Variants in QSER1 observed in about 807,000 individuals in gnomAD.
The protein encoded by QSER1 is glutamine and serine rich 1.
A neutral mutation model predicts 158.5 loss-of-function variants in QSER1; 49 were observed. The ratio of observed to expected loss-of-function variants is 0.31; its 90% confidence interval spans 0.25 to 0.39. The LOEUF is 0.39. Among genes scored for constraint, QSER1 ranks in the 10% least tolerant of loss-of-function variants. The probability of loss-of-function intolerance (pLI) is 1.00; values close to 1 mark genes in which losing one functional copy is unlikely to be tolerated. For missense variants in QSER1, 1,754 were observed against 2,010.3 expected (o/e 0.87, Z 2.44); for synonymous variants, 650 against 715.5 (o/e 0.91, Z 1.46).
intron 9 of QSER1, among the ~76,000 whole-genome samples, chr11:32,966,892 G>A (rs185306756): frequency 6.6e-6 from 1 of 152,272 alleles, no homozygotes; most frequent in Admixed American, 6.5e-5. Context: ...ACCAGTAAAT[G>A]CACTGGGTTA....
At chr11:32,941,233 A>T (rs1013638376) in intron 4 of QSER1, among the ~76,000 whole-genome samples, 37 of 149,528 alleles carry the variant, frequency 2.5e-4, no homozygotes, top group African/African-American at 7.8e-4. Flanking sequence ...TATTATTATT[A>T]TTATTTTTAA....
intron 1 of QSER1, among the ~76,000 whole-genome samples, chr11:32,907,699 T>C (rs1851712156): frequency 6.6e-6 from 1 of 152,210 alleles, no homozygotes; most frequent in African/African-American, 2.4e-5. Context: ...CCAGGGCCCA[T>C]ATAACCACTT....
At chr11:32,942,857 A>G (rs985376726) in intron 4 of QSER1, among the ~76,000 whole-genome samples, 16 of 152,176 alleles carry the variant, frequency 1.1e-4, no homozygotes, top group Admixed American at 1.3e-4. Context: ...GATTCTTCCT[A>G]CCCATGAGCA....
intron 4 of QSER1, among the ~76,000 whole-genome samples, chr11:32,939,094 A>G (rs1044800092): frequency 6.6e-6 from 1 of 152,240 alleles, no homozygotes; most frequent in African/African-American, 2.4e-5. Context: ...CTGAATCTGT[A>G]TCAAGTAATT....
At chr11:32,899,284 T>C (rs760000413) in intron 1 of QSER1, among the ~76,000 whole-genome samples, 4 of 152,172 alleles carry the variant, frequency 2.6e-5, no homozygotes, top group African/African-American at 9.7e-5. Flanking sequence ...TGGAAGCCCC[T>C]TTCTTCCTGT....
intron 8 of QSER1, 88 bp from the exon 9 acceptor site, chr11:32,966,212 A>G (rs1050589698): frequency 2.0e-5 from 28 of 1,395,068 alleles, no homozygotes; most frequent in East Asian, 6.9e-5. Context: ...TGTATCTGCA[A>G]TCTGCTTCTA....
rs760631758 is a variant in QSER1 at position 32,933,443 on chromosome 11, T to G, written c.2185T>G (p.Ser729Ala). Reference protein sequence around the residue: ...INAQESTYKVSKADDRYSQSV... With the variant: ...INAQESTYKVAKADDRYSQSV... Reference sequence around the variant, plus strand: ...TGCTCAAGAATCAACTTATAAGGTGTCAAAGGCAGATGACAGATATTCTCA... The same window carrying G: ...TGCTCAAGAATCAACTTATAAGGTGGCAAAGGCAGATGACAGATATTCTCA... Residue 729 changes from serine (S) to alanine (A), a missense_variant, in exon 4 of 13, where the codon TCA becomes GCA. By Grantham distance (99) the Ser-to-Ala change is moderately conservative (BLOSUM62 1). Transcript: ENST00000650167. The G allele has an allele frequency of 4.3e-6, 7 of 1,613,364 alleles. No homozygotes were observed. In the East Asian group the frequency reaches 1.6e-4, roughly 36 times the overall value.
At chr11:32,953,583 T>G (rs1366388135) in intron 4 of QSER1, among the ~76,000 whole-genome samples, 1 of 152,156 alleles carries the variant, frequency 6.6e-6, no homozygotes, top group Non-Finnish European at 1.5e-5. Context: ...GCCTCTTCTT[T>G]TAAAAATAAT....
intron 1 of QSER1, among the ~76,000 whole-genome samples, chr11:32,905,673 G>A (rs900909539): frequency 5.9e-5 from 9 of 152,072 alleles, no homozygotes; most frequent in African/African-American, 2.2e-4. Context: ...ACATGGTAAT[G>A]ATTAGAATTG....
chr11:32,968,974 T>G, intron 9 of QSER1, 72 bp from the exon 10 acceptor site: 5 of 793,696 alleles, frequency 6.3e-6, no homozygotes, highest in Non-Finnish European at 8.0e-6. Flanking sequence ...ATAAATGTTT[T>G]GAGAAAAAGT....
At chr11:32,950,953 T>C (rs1283308765) in intron 4 of QSER1, among the ~76,000 whole-genome samples, 3 of 152,234 alleles carry the variant, frequency 2.0e-5, no homozygotes, top group African/African-American at 7.2e-5. Context: ...TCTGTAAACA[T>C]TCATTTACAG....
rs550497607 is a variant in QSER1, at chr11:32,909,333, T to C, written c.209+15999T>C. ...GGGTTCAAGGAAGGGAAGTATCTTT[T>C]ATCATCAACAGCTTTATCGATTTGA... is the stretch of plus-strand genomic sequence containing the variant. On this transcript the variant is annotated intron_variant, in intron 1 of 12. Coordinates refer to ENST00000650167, the MANE Select transcript of QSER1 (RefSeq NM_001076786.3). Among the ~76,000 whole-genome samples, 21 of 152,358 alleles carry C rather than the reference T, an allele frequency of 1.4e-4. No individual in the cohort carries two copies. In the East Asian group the frequency reaches 4.0e-3, roughly 29 times the overall value.
intron 12 of QSER1, chr11:32,975,688 G>A: frequency 8.8e-7 from 1 of 1,131,916 alleles, no homozygotes; most frequent in Non-Finnish European, 1.1e-6. Context: ...TCACTGCTTT[G>A]ACATCTCACT....
intron 1 of QSER1, among the ~76,000 whole-genome samples, chr11:32,923,098 G>A (rs1288074696): frequency 1.3e-5 from 2 of 152,096 alleles, no homozygotes; most frequent in Admixed American, 1.3e-4. Context: ...ACCATGCAAT[G>A]GAATACTGCT....
rs1363677323 is a variant in QSER1, at chr11:32,932,180, G to T, written c.922G>T (p.Glu308Ter). The change falls in exon 4 of 13, where the codon GAA (glutamate) becomes TAA (stop). Residue 308 changes from glutamate to a stop codon, truncating the protein, a stop_gained. Transcript: ENST00000650167. LOFTEE classifies it high-confidence loss of function. ...TLFTSSTASI[E>*]RALLRECSVI... ...CTTTACTAGTTCTACTGCTTCCATT[G>T]AAAGAGCTCTTCTTCGAGAATGTAG... 6.2e-7 allele frequency: 1 copy of T among 1,614,026 alleles called. No individual in the cohort carries two copies. The highest frequency in any genetic ancestry group is 8.5e-7 in the Non-Finnish European group (1 of 1,180,024).
chr11:32,971,791 C>T (rs532754411), intron 10 of QSER1, among the ~76,000 whole-genome samples: 1 of 152,086 alleles, frequency 6.6e-6, no homozygotes, highest in South Asian at 2.1e-4. Context: ...GGGACTGGCG[C>T]GGTGGCTCAC....
At chr11:32,955,018 A>G (rs1283829850) in intron 5 of QSER1, among the ~76,000 whole-genome samples, 2 of 152,254 alleles carry the variant, frequency 1.3e-5, no homozygotes, top group Non-Finnish European at 2.9e-5. Context: ...TATGTAACAT[A>G]GGACAGTGTC....
chr11:32,895,414 T>C (rs1352068727), intron 1 of QSER1, among the ~76,000 whole-genome samples: 1 of 152,174 alleles, frequency 6.6e-6, no homozygotes. Context: ...GAATTATACC[T>C]CATTTTATTC....
At position 32,976,449 on chromosome 11, in the gene QSER1, A is replaced by G. The variant is rs2133620005; in HGVS notation, c.5570A>G (p.Asn1857Ser). ...DLFEKFGELL[N>S]HVQQKCS ...TTTGAAAAATTTGGAGAACTTCTAA[A>G]TCATGTACAGCAGAAATGTTCCTGA... Residue 1857 changes from asparagine (N) to serine (S), a missense_variant, in exon 13 of 13, where the codon AAT becomes AGT. By Grantham distance (46) the Asn-to-Ser change is conservative. Transcript: ENST00000650167. 1 of 1,607,698 alleles carries G rather than the reference A, an allele frequency of 6.2e-7. No individual in the cohort carries two copies. Among genetic ancestry groups the G allele is most frequent in the South Asian group, 1.1e-5 (1 of 89,362 alleles).
Sources: gnomAD v4.1 joint callset for allele counts (sites outside exome capture counted in the v4.1 genomes callset) on GRCh38, gnomAD v4.1.1 for gene constraint, MANE v1.5 for transcripts, NCBI Gene and HGNC (gene_info 2026-07-23, HGNC 2026-07-21) for gene names.